The following SLC19A3 variants were observed in gnomAD, a reference collection of about 807,000 sequenced individuals.
SLC19A3 encodes the protein solute carrier family 19 member 3.
A neutral mutation model predicts 40.2 loss-of-function variants in SLC19A3; 31 were observed. That is an observed-to-expected ratio of 0.77 (90% CI 0.58 to 1.04). SLC19A3 has a LOEUF of 1.04. Ranked by LOEUF, SLC19A3 falls within the 50% of genes least tolerant of loss-of-function variation. The pLI is 0.00. For synonymous variants in SLC19A3, 212 were observed against 227.5 expected, an observed-to-expected ratio of 0.93 and a Z score of 0.61; for missense variants, 592 against 596.7, an observed-to-expected ratio of 0.99 and a Z score of 0.08.
At chr2:227,705,125 G>A (rs1015271870) in intron 1 of SLC19A3, among the ~76,000 whole-genome samples, 1 of 151,764 alleles carries the variant, frequency 6.6e-6, no homozygotes, top group African/African-American at 2.4e-5. Flanking sequence ...TGATCCGCCC[G>A]CCTCAGCCTC....
At chr2:227,705,567 G>A (rs67086657) in intron 1 of SLC19A3, among the ~76,000 whole-genome samples, 26,258 of 151,930 alleles carry the variant, frequency 0.17, 3,222 homozygotes, top group East Asian at 0.73. Flanking sequence ...TTGAGGAATC[G>A]CCACACTGTC....
chr2:227,709,547 G>T (rs990596329), intron 1 of SLC19A3, among the ~76,000 whole-genome samples: 11 of 152,094 alleles, frequency 7.2e-5, no homozygotes, highest in African/African-American at 2.7e-4. Flanking sequence ...TGAAGCCAGG[G>T]TGATTTTCTA....
intron 1 of SLC19A3, chr2:227,702,818 A>G (rs1311898346): frequency 5.9e-6 from 1 of 169,040 alleles, no homozygotes; most frequent in South Asian, 1.5e-4. Context: ...ATTTTAGCTC[A>G]AGCTTTGCCT....
At chr2:227,702,764 A>G (rs1474838972) in intron 1 of SLC19A3, 1 of 186,050 alleles carries the variant, frequency 5.4e-6, no homozygotes, top group East Asian at 1.5e-4. Context: ...TTGCTATCTC[A>G]TGTGAATTAT....
At chr2:227,696,220 G>T in intron 3 of SLC19A3, 139 bp from the exon 4 acceptor site, 1 of 782,806 alleles carries the variant, frequency 1.3e-6, no homozygotes, top group Non-Finnish European at 2.2e-6. Flanking sequence ...TGATCGACCT[G>T]AATGTGGATC....
chr2:227,713,447 T>A (rs1235232333), intron 1 of SLC19A3, among the ~76,000 whole-genome samples: 7 of 139,394 alleles, frequency 5.0e-5, no homozygotes, highest in South Asian at 2.4e-4. Context: ...TTTTCAAGAG[T>A]GATTAGATCA....
chr2:227,709,807 G>A (rs940298148), intron 1 of SLC19A3, among the ~76,000 whole-genome samples: 4 of 152,240 alleles, frequency 2.6e-5, no homozygotes, highest in African/African-American at 9.6e-5. Context: ...CGTCCATGTT[G>A]TACTGACAAT....
intron 1 of SLC19A3, among the ~76,000 whole-genome samples, chr2:227,707,059 G>A (rs1695971694): frequency 6.6e-6 from 1 of 152,120 alleles, no homozygotes; most frequent in African/African-American, 2.4e-5. Context: ...ACCCTGGGCG[G>A]GTCTCCCTGC....
At chr2:227,689,703 C>T (rs1168512895) in intron 4 of SLC19A3, among the ~76,000 whole-genome samples, 1 of 152,132 alleles carries the variant, frequency 6.6e-6, no homozygotes, top group Non-Finnish European at 1.5e-5. Flanking sequence ...CATAGAACAA[C>T]ACAGAATATT....
rs776587805 is a variant in SLC19A3 at position 227,699,063 on chromosome 2, C to G, written c.652G>C (p.Glu218Gln). 5.6e-6 allele frequency: 9 copies of G among 1,614,174 alleles called. No individual in the cohort carries two copies. Among genetic ancestry groups the G allele is most frequent in the African/African-American group, 1.3e-5 (1 of 75,040 alleles). The change falls in exon 3 of 6, where the codon GAG (glutamate) becomes CAG (glutamine). Residue 218 changes from glutamate (E) to glutamine (Q), a missense_variant. Physicochemically the swap from Glu to Gln is conservative, Grantham distance 29. Coordinates refer to ENST00000644224, the MANE Select transcript of SLC19A3 (RefSeq NM_025243.4). The part of the protein sequence containing the change: ...KKSSSVNPVL[E>Q]ETHEGEAPGC... ...GGTGCTTCACCTTCGTGAGTTTCCT[C>G]TAATACTGGATTCACGCTTGATGAC...
chr2:227,690,706 C>CAA (rs34163746), intron 4 of SLC19A3, among the ~76,000 whole-genome samples: 1,010 of 38,930 alleles, frequency 0.026, 128 homozygotes, highest in Non-Finnish European at 0.031. Context: ...GACTCCATCT[C>CAA]AAAAAAAAAA....
intron 4 of SLC19A3, among the ~76,000 whole-genome samples, chr2:227,694,101 G>A (rs1449199419): frequency 1.3e-5 from 2 of 152,136 alleles, no homozygotes; most frequent in Non-Finnish European, 2.9e-5. Context: ...CTGCCTCCCA[G>A]GTTCAAGGGA....
chr2:227,712,158 C>T (rs1007609137), intron 1 of SLC19A3, among the ~76,000 whole-genome samples: 6 of 150,264 alleles, frequency 4.0e-5, no homozygotes, highest in African/African-American at 1.5e-4. Flanking sequence ...AATCCCAGCA[C>T]TTTGGGAAGC....
In SLC19A3 at chr2:227,706,524, G is replaced by A. The variant is rs371404259; in HGVS notation, c.-2-4204C>T. On this transcript the variant is annotated intron_variant, in intron 1 of 5. Coordinates refer to ENST00000644224, the MANE Select transcript of SLC19A3 (RefSeq NM_025243.4). ...AGTGGCTCATGCTTGTAATCCCAGCGCTTTGGGAGGCTGAGGCAGGTGGAT... is the reference window on the plus strand; with the variant it reads ...AGTGGCTCATGCTTGTAATCCCAGCACTTTGGGAGGCTGAGGCAGGTGGAT... 4.9e-5 allele frequency: 56 copies of A among 1,151,406 alleles called. 1 individual carries two copies. The highest frequency in any genetic ancestry group is 6.8e-5 in the East Asian group (2 of 29,442). 71.3% of individuals were successfully genotyped at this position (1,151,406 alleles called of 1,614,324 possible). A position where few individuals can be genotyped will look rare whatever the true frequency, so the allele number is the denominator to read the frequency against.
intron 1 of SLC19A3, chr2:227,706,614 C>A (rs959266971): frequency 2.0e-5 from 7 of 342,936 alleles, no homozygotes; most frequent in African/African-American, 4.3e-5. Flanking sequence ...CTACTAATAA[C>A]GCAAAAATTA....
intron 4 of SLC19A3, among the ~76,000 whole-genome samples, chr2:227,690,706 C>CAAAAAAAA (rs34163746): frequency 2.8e-4 from 11 of 39,160 alleles, no homozygotes; most frequent in African/African-American, 1.0e-3. Flanking sequence ...GACTCCATCT[C>CAAAAAAAA]AAAAAAAAAA....
Position 227,685,637 on chromosome 2 carries a change from C to G in SLC19A3, c.*1760G>C, listed in dbSNP as rs1275171052. The G allele has an allele frequency of 1.3e-5, 2 of 152,200 alleles. No homozygotes were observed. Among genetic ancestry groups the G allele is most frequent in the Non-Finnish European group, 2.9e-5 (2 of 68,144 alleles). 9.4% of individuals were successfully genotyped at this position (152,200 alleles called of 1,614,324 possible). On this transcript the variant is annotated 3_prime_UTR_variant, in exon 6 of 6. Coordinates refer to ENST00000644224, the MANE Select transcript of SLC19A3 (RefSeq NM_025243.4). ...TATATTGGCCAAGATGGTCTCATACCCCTACCCTCAAATTAACCTCTCACT... is the reference window on the plus strand; with the variant it reads ...TATATTGGCCAAGATGGTCTCATACGCCTACCCTCAAATTAACCTCTCACT...
chr2:227,704,305 A>G (rs1695844427), intron 1 of SLC19A3, among the ~76,000 whole-genome samples: 1 of 152,236 alleles, frequency 6.6e-6, no homozygotes, highest in African/African-American at 2.4e-5. Context: ...CTCACTTCCT[A>G]GCTGCATGCC....
At chr2:227,715,145 C>T (rs1173097917) in intron 1 of SLC19A3, among the ~76,000 whole-genome samples, 1 of 150,844 alleles carries the variant, frequency 6.6e-6, no homozygotes, top group African/African-American at 2.4e-5. Context: ...TTACTAAAGT[C>T]ACCTAATTTA....
Sources: allele counts gnomAD v4.1 joint callset (sites outside exome capture counted in the v4.1 genomes callset), GRCh38; gene constraint gnomAD v4.1.1; transcripts MANE v1.5; gene names NCBI Gene and HGNC (gene_info 2026-07-23, HGNC 2026-07-21).